Variants in CNTLN observed in about 807,000 individuals in gnomAD.
The protein encoded by CNTLN is centlein, also known as centlein, centrosomal protein.
Under a neutral mutation model 180.0 loss-of-function variants are expected in CNTLN, and 212 were observed. The observed-to-expected ratio is 1.18, with a 90% confidence interval of 1.05 to 1.32. CNTLN has a LOEUF of 1.32. Ranked by LOEUF, CNTLN falls within the 40% of genes most tolerant of loss-of-function variation. The pLI, the probability that CNTLN is intolerant of heterozygous loss-of-function variation, is 0.00. For missense variants in CNTLN, 2,095 were observed against 1,610.9 expected, an observed-to-expected ratio of 1.30 and a Z score of -5.14; for synonymous variants, 722 against 563.1, an observed-to-expected ratio of 1.28 and a Z score of -3.99.
intron 12 of CNTLN, among the ~76,000 whole-genome samples, chr9:17,343,483 CT>C (rs780271312): frequency 6.6e-6 from 1 of 152,054 alleles, no homozygotes; most frequent in Non-Finnish European, 1.5e-5. Flanking sequence ...TAATGATAAA[CT>C]TTTGAGGAAA....
chr9:17,222,367 T>C (rs1807999982), intron 2 of CNTLN, among the ~76,000 whole-genome samples: 3 of 152,000 alleles, frequency 2.0e-5, no homozygotes. Context: ...CCAAATCTCA[T>C]CTTTAGTTGT....
chr9:17,504,262 A>G (rs1010634823), downstream of CNTLN, among the ~76,000 whole-genome samples: 2 of 152,190 alleles, frequency 1.3e-5, no homozygotes, highest in African/African-American at 2.4e-5. Context: ...GTATACCCAA[A>G]GAATGCAATT....
intron 2 of CNTLN, among the ~76,000 whole-genome samples, chr9:17,198,232 A>G (rs1822261754): frequency 6.6e-6 from 1 of 152,106 alleles, no homozygotes; most frequent in South Asian, 2.1e-4. Context: ...TGGTGGTTCC[A>G]TATAAAGTTT....
intron 12 of CNTLN, among the ~76,000 whole-genome samples, chr9:17,358,949 G>A (rs1288748226): frequency 6.6e-6 from 1 of 152,084 alleles, no homozygotes; most frequent in African/African-American, 2.4e-5. Flanking sequence ...AGCTTTTAGA[G>A]GAAAACATAG....
At chr9:17,243,789 T>C (rs958823254) in intron 5 of CNTLN, among the ~76,000 whole-genome samples, 3 of 152,190 alleles carry the variant, frequency 2.0e-5, no homozygotes, top group East Asian at 1.9e-4. Flanking sequence ...TTCGCAGCCA[T>C]TGGATAAAAT....
intron 5 of CNTLN, among the ~76,000 whole-genome samples, chr9:17,267,788 T>G (rs1418465094): frequency 6.6e-6 from 1 of 152,220 alleles, no homozygotes; most frequent in Admixed American, 6.5e-5. Flanking sequence ...TTTCATTCAT[T>G]TCATCTTCCA....
At chr9:17,402,857 T>C (rs1827089348) in intron 15 of CNTLN, among the ~76,000 whole-genome samples, 1 of 151,692 alleles carries the variant, frequency 6.6e-6, no homozygotes, top group Non-Finnish European at 1.5e-5. Context: ...TACTGTAGAT[T>C]TGGACTTCCT....
intron 5 of CNTLN, among the ~76,000 whole-genome samples, chr9:17,247,110 C>T (rs1270032221): frequency 6.6e-6 from 1 of 152,130 alleles, no homozygotes; most frequent in African/African-American, 2.4e-5. Context: ...ATGGGTGATA[C>T]AAGTATTCCC....
intron 2 of CNTLN, among the ~76,000 whole-genome samples, chr9:17,178,608 C>T (rs2779764): frequency 0.042 from 6,370 of 152,102 alleles, 455 homozygotes; most frequent in African/African-American, 0.15. Context: ...AGAAATCGAG[C>T]ACAGCAGCTG....
At chr9:17,526,432 G>C in the CNTLN span, among the ~76,000 whole-genome samples, 3 of 152,156 alleles carry the variant, frequency 2.0e-5, no homozygotes, top group African/African-American at 7.2e-5. Context: ...AACTTCTTTT[G>C]ATAAATAAGT....
At chr9:17,358,464 C>T (rs1823025348) in intron 12 of CNTLN, among the ~76,000 whole-genome samples, 1 of 152,036 alleles carries the variant, frequency 6.6e-6, no homozygotes, top group Non-Finnish European at 1.5e-5. Flanking sequence ...TAGACATACA[C>T]ATTTGTAAAA....
chr9:17,282,571 CAGA>C (rs1828730064), intron 6 of CNTLN, among the ~76,000 whole-genome samples: 2 of 152,252 alleles, frequency 1.3e-5, no homozygotes, highest in Non-Finnish European at 2.9e-5. Flanking sequence ...TTTTGTTGTG[CAGA>C]AGCTCTTTAG....
At chr9:17,463,106 G>A (rs878913944) in intron 20 of CNTLN, 93 bp downstream of exon 20, 8 of 684,460 alleles carry the variant, frequency 1.2e-5, no homozygotes, top group African/African-American at 3.8e-5. Flanking sequence ...TAATGTTTAC[G>A]TTTTCCTTCC....
chr9:17,301,712 CTTAT>C (rs1162265494), intron 7 of CNTLN: 7 of 947,736 alleles, frequency 7.4e-6, no homozygotes, highest in Middle Eastern at 5.3e-4. Flanking sequence ...AAATATTCTT[CTTAT>C]TTATTTATTC....
chr9:17,257,789 C>T (rs1054310275), intron 5 of CNTLN, among the ~76,000 whole-genome samples: 1 of 150,412 alleles, frequency 6.6e-6, no homozygotes, highest in African/African-American at 2.5e-5. Context: ...TGAGAAGTGT[C>T]TGTTCATGTC....
At chr9:17,271,233 G>GC (rs199973242) in intron 5 of CNTLN, among the ~76,000 whole-genome samples, 1,857 of 152,024 alleles carry the variant, frequency 0.012, 44 homozygotes, top group African/African-American at 0.043. Context: ...GAGCCACCGC[G>GC]CCCAGCACTA....
Position 17,464,506 on chromosome 9 carries a change from A to C in CNTLN, c.3414A>C (p.Arg1138=), listed in dbSNP as rs2134200322. 6.5e-7 allele frequency: 1 copy of C among 1,528,174 alleles called. No homozygotes were observed. Among genetic ancestry groups the C allele is most frequent in the South Asian group, 1.3e-5 (1 of 77,224 alleles). 94.7% of individuals were successfully genotyped at this position (1,528,174 alleles called of 1,614,324 possible). ...HIKEMHEKIS[R]MERDITMKRH... ...CTTTTTTTTTTTCAAGGATATCTCG[A>C]ATGGAGAGGGATATAACTATGAAAA... Residue 1138 remains arginine, a synonymous_variant, in exon 21 of 26, where the codon CGA becomes CGC. Coordinates refer to ENST00000380647, the MANE Select transcript of CNTLN (RefSeq NM_017738.4).
intron 12 of CNTLN, among the ~76,000 whole-genome samples, chr9:17,356,298 T>C (rs895765133): frequency 1.3e-4 from 20 of 152,318 alleles, no homozygotes; most frequent in African/African-American, 4.3e-4. Flanking sequence ...AAGAAACTCA[T>C]ACACTAAGAT....
chr9:17,479,229 G>A (rs1442726731), intron 23 of CNTLN, among the ~76,000 whole-genome samples: 1 of 152,196 alleles, frequency 6.6e-6, no homozygotes, highest in Non-Finnish European at 1.5e-5. Flanking sequence ...GATCTTGAAT[G>A]GATGTTAGGA....
Sources: allele counts gnomAD v4.1 joint callset (sites outside exome capture counted in the v4.1 genomes callset), GRCh38; gene constraint gnomAD v4.1.1; transcripts MANE v1.5; gene names NCBI Gene and HGNC (gene_info 2026-07-23, HGNC 2026-07-21).